NEXN: variants seen among roughly 807,000 people sequenced by gnomAD.
NEXN encodes nexilin.
Under a neutral mutation model 92.6 loss-of-function variants are expected in NEXN, and 65 were observed. The observed-to-expected ratio is 0.70, with a 90% CI of 0.57 to 0.86. The LOEUF is 0.86. NEXN is among the 40% of genes least tolerant of loss of function. The pLI, the probability that NEXN is intolerant of heterozygous loss-of-function variation, is 0.00. For missense variants in NEXN, 778 were observed against 771.1 expected (o/e 1.01, Z -0.11); for synonymous variants, 254 against 242.5 (o/e 1.05, Z -0.44).
chr1:77,893,409 G>A (rs1647152301), intron 1 of NEXN, among the ~76,000 whole-genome samples: 2 of 152,066 alleles, frequency 1.3e-5, no homozygotes, highest in South Asian at 4.1e-4. Flanking sequence ...CAATTTGCTT[G>A]GGAACAGAAC....
intron 1 of NEXN, among the ~76,000 whole-genome samples, chr1:77,907,604 C>T (rs189437658): frequency 7.3e-4 from 111 of 152,206 alleles, no homozygotes; most frequent in Admixed American, 3.8e-3. Flanking sequence ...AAAATGAGAG[C>T]TCAGAATACT....
At chr1:77,935,255 C>T (rs896100539) in intron 10 of NEXN, among the ~76,000 whole-genome samples, 1 of 152,144 alleles carries the variant, frequency 6.6e-6, no homozygotes, top group Non-Finnish European at 1.5e-5. Context: ...CCAGGCTGGT[C>T]TTGAACTCCC....
intron 1 of NEXN, among the ~76,000 whole-genome samples, chr1:77,892,223 A>G (rs574334424): frequency 1.3e-5 from 2 of 152,134 alleles, no homozygotes; most frequent in Non-Finnish European, 2.9e-5. Flanking sequence ...AATTATTTTT[A>G]TTTCAGTAGC....
chr1:77,942,463 A>G lies in NEXN; in HGVS notation c.1662A>G (p.Lys554=), dbSNP rs752270974. Residue 554 remains lysine (K), a splice_region_variant and synonymous_variant, in exon 13 of 13, where the codon AAA becomes AAG. Coordinates refer to ENST00000334785, the MANE Select transcript of NEXN (RefSeq NM_144573.4). Reference sequence around the variant, plus strand: ...TGAATGCATTTATTTTAATACAGAAAAGAGAAGAGGAGGAGGAGGAAGAAG... The same window carrying G: ...TGAATGCATTTATTTTAATACAGAAGAGAGAAGAGGAGGAGGAGGAAGAAG... ...QREIDAALQK[K]REEEEEEEGS... 5.6e-6 allele frequency: 9 copies of G among 1,613,294 alleles called. No individual in the cohort carries two copies. The African/African-American group carries it at 1.2e-4, about 22-fold the overall frequency.
chr1:77,925,647 A>G (rs1327435607), intron 6 of NEXN, among the ~76,000 whole-genome samples: 4 of 152,164 alleles, frequency 2.6e-5, no homozygotes, highest in Non-Finnish European at 5.9e-5. Flanking sequence ...AGAGTGCAGT[A>G]TCTGTTACCA....
chr1:77,909,420 CAATA>C (rs934721060), intron 1 of NEXN, among the ~76,000 whole-genome samples: 8 of 151,728 alleles, frequency 5.3e-5, no homozygotes, highest in African/African-American at 1.2e-4. Context: ...AACTTCATCT[CAATA>C]AATAAATAAA....
At chr1:77,892,074 C>T (rs1385116580) in intron 1 of NEXN, among the ~76,000 whole-genome samples, 3 of 150,726 alleles carry the variant, frequency 2.0e-5, no homozygotes, top group Non-Finnish European at 4.4e-5. Context: ...CAGAGTGAGG[C>T]TCTGTGTCAA....
At chr1:77,934,909 C>T (rs907795615) in intron 10 of NEXN, among the ~76,000 whole-genome samples, 4 of 152,294 alleles carry the variant, frequency 2.6e-5, no homozygotes, top group African/African-American at 9.6e-5. Flanking sequence ...GTGATGTTTA[C>T]TTTGTAAGAC....
At chr1:77,934,059 G>C (rs1298757756) in intron 10 of NEXN, among the ~76,000 whole-genome samples, 1 of 128,694 alleles carries the variant, frequency 7.8e-6, no homozygotes, top group Non-Finnish European at 1.6e-5. Flanking sequence ...GCCCAGGCTG[G>C]AGTGCAATGG....
intron 1 of NEXN, chr1:77,888,985 G>C (rs962216117): frequency 6.5e-6 from 1 of 152,940 alleles, no homozygotes; most frequent in Non-Finnish European, 1.5e-5. Flanking sequence ...CTGCGGGCTC[G>C]GCGGGGTGCC....
intron 1 of NEXN, among the ~76,000 whole-genome samples, chr1:77,914,412 ACTCT>A (rs1369283738): frequency 1.3e-5 from 2 of 152,106 alleles, no homozygotes; most frequent in East Asian, 3.9e-4. Flanking sequence ...CCTAAAATAA[ACTCT>A]ATTAAAAAAA....
chr1:77,939,027 G>T (rs1417032236), intron 11 of NEXN, among the ~76,000 whole-genome samples: 1 of 152,198 alleles, frequency 6.6e-6, no homozygotes, highest in Non-Finnish European at 1.5e-5. Flanking sequence ...GTTTATGCAA[G>T]AATTCTGGGA....
intron 1 of NEXN, among the ~76,000 whole-genome samples, chr1:77,895,029 ATTTTTTTTTTTTTTTTT>A (rs559226754): frequency 2.4e-4 from 15 of 61,652 alleles, no homozygotes; most frequent in Admixed American, 4.9e-4. Context: ...CTATAGTGTA[ATTTTTTTTTTTTTTTTT>A]TTTTTTTTTT....
At chr1:77,926,112 T>C (rs957026415) in intron 6 of NEXN, among the ~76,000 whole-genome samples, 1 of 152,152 alleles carries the variant, frequency 6.6e-6, no homozygotes, top group Non-Finnish European at 1.5e-5. Context: ...TGTGGATTAG[T>C]GCACAAATAG....
intron 10 of NEXN, 119 bp from the exon 11 acceptor site, chr1:77,935,704 G>A: frequency 1.2e-6 from 1 of 818,408 alleles, no homozygotes; most frequent in Non-Finnish European, 2.0e-6. Context: ...TGTAGTCCCA[G>A]CTCCTTGGGA....
chr1:77,910,845 T>G (rs929988425), intron 1 of NEXN, among the ~76,000 whole-genome samples: 3 of 152,060 alleles, frequency 2.0e-5, no homozygotes, highest in African/African-American at 7.2e-5. Context: ...ATTTTAATTT[T>G]TTTTCTTTTA....
chr1:77,935,385 T>C (rs561609163), intron 10 of NEXN, among the ~76,000 whole-genome samples: 6 of 152,296 alleles, frequency 3.9e-5, no homozygotes, highest in African/African-American at 1.4e-4. Flanking sequence ...AAGATCTTCC[T>C]ACAACTCCTA....
At chr1:77,932,723 A>ATG (rs549529355) in intron 9 of NEXN, among the ~76,000 whole-genome samples, 197 of 152,356 alleles carry the variant, frequency 1.3e-3, no homozygotes, top group Middle Eastern at 0.01. Flanking sequence ...TGGAGAATAG[A>ATG]TGGTTACCAT....
chr1:77,935,740 C>T (rs1356019534), intron 10 of NEXN, 83 bp from the exon 11 acceptor site: 1 of 1,258,356 alleles, frequency 7.9e-7, no homozygotes, highest in Non-Finnish European at 1.1e-6. Flanking sequence ...ATTGCTTAAA[C>T]ACAGGAATTC....
Sources: allele counts gnomAD v4.1 joint callset (sites outside exome capture counted in the v4.1 genomes callset), GRCh38; gene constraint gnomAD v4.1.1; transcripts MANE v1.5; gene names NCBI Gene and HGNC (gene_info 2026-07-23, HGNC 2026-07-21).